Variants in NOL4 observed in about 807,000 individuals in gnomAD.
NOL4 encodes the protein cancer/testis antigen 125.
A neutral mutation model predicts 75.9 loss-of-function variants in NOL4; 17 were observed. The observed-to-expected ratio is 0.22, with a 90% CI of 0.15 to 0.34. NOL4 has a LOEUF of 0.34. Ranked by LOEUF, NOL4 falls within the 10% of genes least tolerant of loss-of-function variation. NOL4 has a pLI of 1.00. For missense variants in NOL4, 614 were observed against 793.5 expected, an observed-to-expected ratio of 0.77 and a Z score of 2.72; for synonymous variants, 292 against 289.9, an observed-to-expected ratio of 1.01 and a Z score of -0.07.
chr18:34,209,623 C>T (rs1295460038), intron 1 of NOL4, among the ~76,000 whole-genome samples: 2 of 152,056 alleles, frequency 1.3e-5, no homozygotes, highest in Non-Finnish European at 2.9e-5. Flanking sequence ...TGTATATAGA[C>T]TGGTTAAAAT....
At chr18:34,164,982 A>G (rs2032120791) in intron 1 of NOL4, among the ~76,000 whole-genome samples, 1 of 151,724 alleles carries the variant, frequency 6.6e-6, no homozygotes. Flanking sequence ...TCAGTAAACT[A>G]TCGCAAGGAC....
rs772402656 is a variant in NOL4, at chr18:33,852,731, T to C, written c.*111A>G. ...AGGACAATGTGGCATAATGGAAGTATTTCTCTTAAAAGACTGTGCAGTAAG... is the reference window on the plus strand; with the variant it reads ...AGGACAATGTGGCATAATGGAAGTACTTCTCTTAAAAGACTGTGCAGTAAG... On this transcript the variant is annotated 3_prime_UTR_variant, in exon 11 of 11. Transcript: ENST00000261592. The C allele has an allele frequency of 9.8e-6, 9 of 918,332 alleles. No homozygotes were observed. The highest frequency in any genetic ancestry group is 2.5e-5 in the Admixed American group (1 of 40,298). 56.9% of individuals were successfully genotyped at this position (918,332 alleles called of 1,614,324 possible).
intron 2 of NOL4, 26 bp downstream of exon 2, chr18:34,129,843 GCT>G (rs1386701225): frequency 1.3e-6 from 2 of 1,519,338 alleles, no homozygotes; most frequent in East Asian, 2.4e-5. Flanking sequence ...CGAAATGCAT[GCT>G]CTTTTTTTTT....
chr18:34,187,503 C>G (rs887644184), intron 1 of NOL4, among the ~76,000 whole-genome samples: 2 of 151,578 alleles, frequency 1.3e-5, no homozygotes, highest in Admixed American at 6.6e-5. Flanking sequence ...CAGCCTCCCG[C>G]GTAGCTGGGA....
chr18:34,030,623 G>T (rs932270500), intron 5 of NOL4, among the ~76,000 whole-genome samples: 1 of 152,132 alleles, frequency 6.6e-6, no homozygotes, highest in Non-Finnish European at 1.5e-5. Context: ...AGCTAGATAG[G>T]AGAAATAAGT....
intron 1 of NOL4, among the ~76,000 whole-genome samples, chr18:34,220,677 C>T (rs1411045079): frequency 1.3e-5 from 2 of 151,876 alleles, no homozygotes; most frequent in African/African-American, 4.8e-5. Flanking sequence ...AATTCTATGT[C>T]GGGAGCAGTA....
intron 9 of NOL4, among the ~76,000 whole-genome samples, chr18:33,936,649 G>C (rs1216094645): frequency 6.6e-6 from 1 of 152,066 alleles, no homozygotes; most frequent in Non-Finnish European, 1.5e-5. Context: ...GGCAGTAACT[G>C]CTGGGCTCCT....
At chr18:33,959,311 A>G (rs886767939) in intron 6 of NOL4, among the ~76,000 whole-genome samples, 1 of 152,048 alleles carries the variant, frequency 6.6e-6, no homozygotes. Flanking sequence ...GGCTGTTTAA[A>G]ATAAATAAAC....
At chr18:34,013,959 A>G (rs930678241) in intron 6 of NOL4, among the ~76,000 whole-genome samples, 5 of 151,978 alleles carry the variant, frequency 3.3e-5, no homozygotes, top group Non-Finnish European at 5.9e-5. Context: ...AACACCTAAA[A>G]GCCAGACATT....
chr18:34,129,184 G>T (rs2080519554), intron 2 of NOL4, among the ~76,000 whole-genome samples: 1 of 151,768 alleles, frequency 6.6e-6, no homozygotes, highest in African/African-American at 2.4e-5. Flanking sequence ...AGAAACTTTA[G>T]ATTAATATAT....
intron 1 of NOL4, 46 bp downstream of exon 1, chr18:34,222,944 C>A: frequency 6.3e-7 from 1 of 1,590,182 alleles, no homozygotes; most frequent in Non-Finnish European, 8.5e-7. Context: ...CCCTCCCCGC[C>A]GGGCTGCTCC....
At chr18:34,148,158 A>C (rs2081486852) in intron 1 of NOL4, among the ~76,000 whole-genome samples, 1 of 152,084 alleles carries the variant, frequency 6.6e-6, no homozygotes, top group Non-Finnish European at 1.5e-5. Context: ...TTTTCAAAGA[A>C]AACTAGCTCC....
intron 5 of NOL4, among the ~76,000 whole-genome samples, chr18:34,029,292 C>A (rs1488146965): frequency 6.6e-6 from 1 of 152,090 alleles, no homozygotes; most frequent in African/African-American, 2.4e-5. Context: ...TCACTGTCTC[C>A]CTTATTGGGA....
intron 9 of NOL4, among the ~76,000 whole-genome samples, chr18:33,922,643 C>A (rs1016903456): frequency 1.1e-4 from 16 of 152,084 alleles, no homozygotes; most frequent in African/African-American, 3.9e-4. Context: ...TATACAAGAG[C>A]ATCTCTTCAT....
At chr18:33,860,945 T>TG (rs1367226334) in intron 10 of NOL4, among the ~76,000 whole-genome samples, 1 of 152,232 alleles carries the variant, frequency 6.6e-6, no homozygotes, top group East Asian at 1.9e-4. Flanking sequence ...TTTATTGATT[T>TG]GCCTATATTG....
intron 6 of NOL4, among the ~76,000 whole-genome samples, chr18:34,014,482 A>T (rs1318720710): frequency 6.6e-6 from 1 of 152,070 alleles, no homozygotes; most frequent in African/African-American, 2.4e-5. Context: ...AACAAAAATT[A>T]AAAAGTCAAT....
In NOL4 at chr18:34,223,046, C is replaced by T; in HGVS notation, c.208G>A (p.Val70Ile). 1 of 1,613,698 alleles carries T rather than the reference C, an allele frequency of 6.2e-7. No individual in the cohort carries two copies. ...KGFQLGQPDE[V>I]RGGGGGAKQV... Reference sequence around the variant, plus strand: ...TTGGCGCCGCCGCCTCCCCCGCGGACCTCGTCCGGCTGGCCCAGCTGGAAG... The same window carrying T: ...TTGGCGCCGCCGCCTCCCCCGCGGATCTCGTCCGGCTGGCCCAGCTGGAAG... The change falls in exon 1 of 11, where the codon GTC becomes ATC. Residue 70 changes from valine to isoleucine, a missense_variant. Physicochemically the swap from Val to Ile is conservative, Grantham distance 29. This residue lies in a region of NOL4 where 49 missense variants were observed against 39.6 expected (regional missense o/e 1.24). Transcript: ENST00000261592.
chr18:33,862,162 A>T (rs188655651), intron 10 of NOL4, among the ~76,000 whole-genome samples: 3,469 of 152,210 alleles, frequency 0.023, 135 homozygotes, highest in African/African-American at 0.079. Flanking sequence ...AAAAACAAGC[A>T]ATGGGGAAAG....
At chr18:34,185,772 A>T (rs8087304) in intron 1 of NOL4, among the ~76,000 whole-genome samples, 75,568 of 151,876 alleles carry the variant, frequency 0.5, 18,887 homozygotes, top group Admixed American at 0.56. Context: ...TTTCACTTCC[A>T]AAGAACATTA....
Sources: allele counts gnomAD v4.1 joint callset (sites outside exome capture counted in the v4.1 genomes callset), GRCh38; gene constraint gnomAD v4.1.1; regional missense constraint gnomAD v4.1.1; transcripts MANE v1.5; gene names NCBI Gene and HGNC (gene_info 2026-07-23, HGNC 2026-07-21).